Variants in RAB3GAP2 observed in about 807,000 individuals in gnomAD.
RAB3GAP2 encodes the protein rab3 GTPase-activating protein non-catalytic subunit.
A neutral mutation model predicts 185.3 loss-of-function variants in RAB3GAP2; 87 were observed. That is an observed-to-expected ratio of 0.47 (90% CI 0.39 to 0.56). The LOEUF is 0.56. Among genes scored for constraint, RAB3GAP2 ranks in the 20% least tolerant of loss-of-function variants. RAB3GAP2 has a pLI of 0.00. For synonymous variants in RAB3GAP2, 554 were observed against 576.1 expected (o/e 0.96, Z 0.55); for missense variants, 1,492 against 1,638.2 (o/e 0.91, Z 1.54).
At chr1:220,164,343 G>C (rs1658022615) in intron 27 of RAB3GAP2, among the ~76,000 whole-genome samples, 1 of 151,940 alleles carries the variant, frequency 6.6e-6, no homozygotes, top group Non-Finnish European at 1.5e-5. Flanking sequence ...TTACACTCAG[G>C]GATAGTAGTC....
rs1357706611 is a variant in RAB3GAP2 at position 220,148,879 on chromosome 1, T to C, written c.*2372A>G. On this transcript the variant is annotated 3_prime_UTR_variant, in exon 35 of 35. Coordinates refer to ENST00000358951, the MANE Select transcript of RAB3GAP2 (RefSeq NM_012414.4). ...GAAGTTATGATTATTTGAACACTTTTTGTTTTCCTTCAGCATTATACAATA... is the reference window on the plus strand; with the variant it reads ...GAAGTTATGATTATTTGAACACTTTCTGTTTTCCTTCAGCATTATACAATA... 2 of 152,200 alleles carry C rather than the reference T, an allele frequency of 1.3e-5. No homozygotes were observed. The highest frequency in any genetic ancestry group is 4.8e-5 in the African/African-American group (2 of 41,452). 9.4% of individuals were successfully genotyped at this position (152,200 alleles called of 1,614,324 possible).
intron 31 of RAB3GAP2, chr1:220,154,298 AGGCT>A: frequency 2.2e-6 from 1 of 461,256 alleles, no homozygotes; most frequent in Non-Finnish European, 3.7e-6. Flanking sequence ...CCTTGCATGG[AGGCT>A]GATGACTTGC....
At chr1:220,243,383 C>T (rs1659736019) in intron 1 of RAB3GAP2, among the ~76,000 whole-genome samples, 2 of 150,674 alleles carry the variant, frequency 1.3e-5, no homozygotes, top group African/African-American at 2.4e-5. Flanking sequence ...TAATAATAAA[C>T]ACATGTATTT....
At chr1:220,245,387 G>C (rs567568149) in intron 1 of RAB3GAP2, among the ~76,000 whole-genome samples, 3 of 152,210 alleles carry the variant, frequency 2.0e-5, no homozygotes, top group Non-Finnish European at 1.5e-5. Context: ...GTCCCTTTGC[G>C]AGTCAAAGAA....
intron 2 of RAB3GAP2, among the ~76,000 whole-genome samples, chr1:220,217,167 T>C (rs1659215928): frequency 6.6e-6 from 1 of 152,156 alleles, no homozygotes; most frequent in Non-Finnish European, 1.5e-5. Flanking sequence ...CTTTCCACTC[T>C]ATCACCCTGC....
At chr1:220,181,848 G>A (rs184614906) in intron 21 of RAB3GAP2, among the ~76,000 whole-genome samples, 104 of 152,010 alleles carry the variant, frequency 6.8e-4, no homozygotes, top group African/African-American at 2.3e-3. Flanking sequence ...CCAGGAGTTT[G>A]AGACAAGCTG....
chr1:220,164,221 T>C (rs1658020092), intron 27 of RAB3GAP2, among the ~76,000 whole-genome samples: 1 of 152,098 alleles, frequency 6.6e-6, no homozygotes, highest in Non-Finnish European at 1.5e-5. Flanking sequence ...TCCTGAGAAA[T>C]CCATCCCTCT....
intron 24 of RAB3GAP2, among the ~76,000 whole-genome samples, chr1:220,168,303 G>T (rs1352256419): frequency 6.6e-6 from 1 of 152,106 alleles, no homozygotes; most frequent in East Asian, 1.9e-4. Flanking sequence ...TGTTGGCGAG[G>T]CTGGTCTCGA....
intron 2 of RAB3GAP2, among the ~76,000 whole-genome samples, chr1:220,226,778 A>G (rs948403964): frequency 6.6e-6 from 1 of 151,946 alleles, no homozygotes; most frequent in Non-Finnish European, 1.5e-5. Flanking sequence ...CCCCACCCCA[A>G]TTCATATGTT....
chr1:220,160,296 C>A (rs1172104172), intron 28 of RAB3GAP2, among the ~76,000 whole-genome samples: 2 of 152,172 alleles, frequency 1.3e-5, no homozygotes, highest in Non-Finnish European at 2.9e-5. Flanking sequence ...AGGAAACTCA[C>A]AGGAGACATT....
At chr1:220,157,725 C>T in intron 30 of RAB3GAP2, 77 bp downstream of exon 30, 2 of 1,315,568 alleles carry the variant, frequency 1.5e-6, no homozygotes, top group Non-Finnish European at 2.2e-6. Context: ...TTAAAATAGT[C>T]ATTTATTAAA....
chr1:220,162,394 G>GTAAGCC (rs1381790493), intron 27 of RAB3GAP2, 126 bp from the exon 28 acceptor site: 1 of 662,352 alleles, frequency 1.5e-6, no homozygotes, highest in African/African-American at 1.8e-5. Context: ...TATATCTCAT[G>GTAAGCC]TAATATTTAT....
chr1:220,254,719 T>C (rs747711644), intron 1 of RAB3GAP2, among the ~76,000 whole-genome samples: 1 of 152,170 alleles, frequency 6.6e-6, no homozygotes, highest in Middle Eastern at 3.2e-3. Flanking sequence ...CTTTTCTTTT[T>C]TTTTTTCATT....
chr1:220,255,148 C>G (rs1322794649), intron 1 of RAB3GAP2, among the ~76,000 whole-genome samples: 1 of 150,802 alleles, frequency 6.6e-6, no homozygotes, highest in African/African-American at 2.4e-5. Context: ...CTGGAAAAGT[C>G]AATCTTTTAG....
intron 1 of RAB3GAP2, among the ~76,000 whole-genome samples, chr1:220,237,256 T>C (rs1392675856): frequency 1.3e-5 from 2 of 152,212 alleles, no homozygotes; most frequent in Admixed American, 6.5e-5. Flanking sequence ...GGCTCTCATT[T>C]CCGTGAAAGA....
At chr1:220,212,499 A>AT (rs557741779) in intron 4 of RAB3GAP2, among the ~76,000 whole-genome samples, 39 of 148,086 alleles carry the variant, frequency 2.6e-4, no homozygotes, top group African/African-American at 8.6e-4. Flanking sequence ...ATTCTAAAAA[A>AT]TTTTTTTTTT....
intron 1 of RAB3GAP2, among the ~76,000 whole-genome samples, chr1:220,245,542 T>A (rs934733635): frequency 1.3e-5 from 2 of 152,012 alleles, no homozygotes; most frequent in African/African-American, 2.4e-5. Flanking sequence ...CGCTGATTGC[T>A]AGCACAGCAG....
At chr1:220,212,610 C>T (rs1293404371) in intron 4 of RAB3GAP2, among the ~76,000 whole-genome samples, 1 of 152,096 alleles carries the variant, frequency 6.6e-6, no homozygotes, top group Non-Finnish European at 1.5e-5. Flanking sequence ...CCTCCTGCCT[C>T]AGCCTCCCGA....
Position 220,245,153 on chromosome 1 carries a change from A to G in RAB3GAP2, c.116-12290T>C, listed in dbSNP as rs546631085. ...AAAAAAAACTCATTAAAAAGTGGGC[A>G]AAGAGGAGGAGCCAAGATGGCCGAA... is the stretch of plus-strand genomic sequence containing the variant. On this transcript the variant is annotated intron_variant, in intron 1 of 34. Coordinates refer to ENST00000358951, the MANE Select transcript of RAB3GAP2 (RefSeq NM_012414.4). Among the ~76,000 whole-genome samples the G allele has an allele frequency of 6.6e-5, 10 of 151,560 alleles. No homozygotes were observed. The East Asian group carries it at 1.9e-3, about 29-fold the overall frequency.
Sources: allele counts gnomAD v4.1 joint callset (sites outside exome capture counted in the v4.1 genomes callset), GRCh38; gene constraint gnomAD v4.1.1; transcripts MANE v1.5; gene names NCBI Gene and HGNC (gene_info 2026-07-23, HGNC 2026-07-21).